Variants in LGR5 observed in about 807,000 individuals in gnomAD.
The protein encoded by LGR5 is leucine-rich repeat-containing G protein-coupled receptor 5.
In LGR5, 54 loss-of-function variants were observed where a neutral mutation model predicts 76.7. The ratio of observed to expected loss-of-function variants is 0.70; its 90% CI spans 0.57 to 0.88. LGR5 has a LOEUF of 0.88. Ranked by LOEUF, LGR5 falls within the 40% of genes least tolerant of loss-of-function variation. The pLI is 0.00. For synonymous variants in LGR5, 406 were observed against 421.9 expected (o/e 0.96, Z 0.46); for missense variants, 1,078 against 1,073.3 (o/e 1.00, Z -0.06).
chr12:71,513,383 G>T (rs1426826944), intron 2 of LGR5, among the ~76,000 whole-genome samples: 1 of 152,202 alleles, frequency 6.6e-6, no homozygotes, highest in South Asian at 2.1e-4. Context: ...TACAGCCATT[G>T]TGTCCCTGCA....
chr12:71,566,843 C>T lies in LGR5; in HGVS notation c.1001C>T (p.Thr334Ile), dbSNP rs1878371849. The change falls in exon 11 of 18, where the codon ACT becomes ATT. Residue 334 changes from threonine to isoleucine, a missense_variant and splice_region_variant. Thr to Ile is a moderately conservative substitution (Grantham distance 89, BLOSUM62 -1). Coordinates refer to ENST00000266674, the MANE Select transcript of LGR5 (RefSeq NM_003667.4). ...LTGTANLESL[T>I]LTGAQISSLP... ...ATGTCTGGTTTGTGTTTTAACAGGA[C>T]TTTAACTGGAGCACAGATCTCATCT... is the stretch of plus-strand genomic sequence containing the variant. The T allele has an allele frequency of 1.9e-6, 3 of 1,613,318 alleles. No individual in the cohort carries two copies. Among genetic ancestry groups the T allele is most frequent in the Non-Finnish European group, 2.5e-6 (3 of 1,179,292 alleles).
chr12:71,452,622 G>A (rs1284815950), intron 1 of LGR5, among the ~76,000 whole-genome samples: 1 of 152,208 alleles, frequency 6.6e-6, no homozygotes, highest in Non-Finnish European at 1.5e-5. Context: ...AATTCAAAAA[G>A]TGCTGTTGAT....
intron 1 of LGR5, among the ~76,000 whole-genome samples, chr12:71,490,564 C>A (rs57448926): frequency 6.6e-6 from 1 of 151,986 alleles, no homozygotes; most frequent in African/African-American, 2.4e-5. Context: ...AAATGTATAA[C>A]GGTATGTTGA....
intron 7 of LGR5, among the ~76,000 whole-genome samples, 183 bp from the exon 8 acceptor site, chr12:71,561,598 A>G (rs144984951): frequency 5.3e-4 from 81 of 152,334 alleles, no homozygotes; most frequent in African/African-American, 1.9e-3. Flanking sequence ...ATGACAGCAC[A>G]TGACTTTTTT....
At chr12:71,526,758 G>T (rs1247214007) in intron 3 of LGR5, among the ~76,000 whole-genome samples, 1 of 152,058 alleles carries the variant, frequency 6.6e-6, no homozygotes, top group Non-Finnish European at 1.5e-5. Flanking sequence ...AGTTGATGTC[G>T]TCCCATCTGG....
intron 3 of LGR5, among the ~76,000 whole-genome samples, chr12:71,533,502 A>G (rs1280452336): frequency 6.6e-6 from 1 of 152,182 alleles, no homozygotes; most frequent in Non-Finnish European, 1.5e-5. Flanking sequence ...CTACTAAACC[A>G]GAAACTTTGG....
At chr12:71,473,902 C>T (rs950320331) in intron 1 of LGR5, among the ~76,000 whole-genome samples, 1 of 152,182 alleles carries the variant, frequency 6.6e-6, no homozygotes, top group South Asian at 2.1e-4. Context: ...AACAACACCT[C>T]GCTTTCCCAG....
At chr12:71,456,057 C>G (rs1335883691) in intron 1 of LGR5, among the ~76,000 whole-genome samples, 1 of 152,094 alleles carries the variant, frequency 6.6e-6, no homozygotes, top group East Asian at 1.9e-4. Flanking sequence ...CATGATGGAA[C>G]ATTGACTATG....
chr12:71,481,470 C>A (rs1432357364), intron 1 of LGR5, among the ~76,000 whole-genome samples: 2 of 152,104 alleles, frequency 1.3e-5, no homozygotes, highest in Non-Finnish European at 2.9e-5. Flanking sequence ...TGTATATATG[C>A]CACATTTTCT....
chr12:71,566,817 T>C (rs747446577), intron 10 of LGR5, 24 bp from the exon 11 acceptor site: 2 of 1,607,166 alleles, frequency 1.2e-6, no homozygotes, highest in Non-Finnish European at 1.7e-6. Context: ...ATGAAAGAAT[T>C]ATGTCTGGTT....
intron 1 of LGR5, among the ~76,000 whole-genome samples, chr12:71,491,455 A>C (rs1290057842): frequency 2.0e-5 from 3 of 152,142 alleles, no homozygotes; most frequent in Non-Finnish European, 4.4e-5. Context: ...CTTAAGTAAT[A>C]GACCTTTTCT....
At chr12:71,555,524 T>C (rs1365408022) in intron 5 of LGR5, among the ~76,000 whole-genome samples, 1 of 152,208 alleles carries the variant, frequency 6.6e-6, no homozygotes, top group African/African-American at 2.4e-5. Flanking sequence ...AAAATCTGAT[T>C]ACCATTGCCT....
rs753068081 is a variant in LGR5, at chr12:71,571,546, C to T, written c.1103C>T (p.Pro368Leu). 1.2e-6 allele frequency: 2 copies of T among 1,612,470 alleles called. No individual in the cohort carries two copies. The highest frequency in any genetic ancestry group is 1.6e-4 in the Middle Eastern group (1 of 6,064). ...TCTTACAACCTATTAGAAGATTTAC[C>T]CAGTTTTTCAGTCTGCCAAAAGCTT... Reference protein sequence around the residue: ...DLSYNLLEDLPSFSVCQKLQK... With the variant: ...DLSYNLLEDLLSFSVCQKLQK... The change falls in exon 12 of 18, where the codon CCC becomes CTC. Residue 368 changes from proline to leucine, a missense_variant. By Grantham distance (98) the Pro-to-Leu change is moderately conservative (BLOSUM62 -3). Transcript: ENST00000266674.
chr12:71,448,573 A>G (rs572515632), intron 1 of LGR5: 8 of 152,360 alleles, frequency 5.3e-5, no homozygotes, highest in South Asian at 2.1e-4. Flanking sequence ...CTCGTGAGGC[A>G]CTTACTTGAA....
intron 11 of LGR5, among the ~76,000 whole-genome samples, chr12:71,568,444 T>G (rs756501061): frequency 6.6e-6 from 1 of 152,224 alleles, no homozygotes; most frequent in African/African-American, 2.4e-5. Flanking sequence ...CCTGGGACAC[T>G]GTAACTCTCA....
In LGR5 at chr12:71,565,474, T is replaced by C. The variant is rs200850729; in HGVS notation, c.858-930T>C. 7.5e-4 allele frequency among the ~76,000 whole-genome samples: 3 copies of C among 4,010 alleles called. No individual in the cohort carries two copies. The East Asian group carries it at 0.38, about 501-fold the overall frequency. 2.6% of individuals were successfully genotyped at this position (4,010 alleles called of 152,430 possible). On this transcript the variant is annotated intron_variant, in intron 8 of 17. Transcript: ENST00000266674. ...ATATATAGACATATATACATATACA[T>C]ATATATATATATATAACACATACAT... is the stretch of plus-strand genomic sequence containing the variant.
chr12:71,482,532 CA>C (rs142722027), intron 1 of LGR5, among the ~76,000 whole-genome samples: 7,381 of 146,574 alleles, frequency 0.05, 225 homozygotes, highest in Middle Eastern at 0.12. Flanking sequence ...ACACTATCTA[CA>C]AAAAAAAAAG....
Position 71,584,974 on chromosome 12 carries a change from G to T in LGR5, c.*240G>T. On this transcript the variant is annotated 3_prime_UTR_variant, in exon 18 of 18. Transcript: ENST00000266674. The stretch of plus-strand genomic sequence containing the variant: ...GATAGATCGATCACACTATTTAAGT[G>T]AGCCCAGATCAAAAAAGCAGATTGA... The T allele has an allele frequency of 2.3e-6, 1 of 443,226 alleles. No individual in the cohort carries two copies. The highest frequency in any genetic ancestry group is 4.0e-6 in the Non-Finnish European group (1 of 252,114). 27.5% of individuals were successfully genotyped at this position (443,226 alleles called of 1,614,324 possible).
At chr12:71,530,874 G>A (rs1458845788) in intron 3 of LGR5, among the ~76,000 whole-genome samples, 1 of 152,014 alleles carries the variant, frequency 6.6e-6, no homozygotes, top group Non-Finnish European at 1.5e-5. Context: ...TATCTACACA[G>A]AGGACAAATA....
Sources: gnomAD v4.1 joint callset for allele counts (sites outside exome capture counted in the v4.1 genomes callset) on GRCh38, gnomAD v4.1.1 for gene constraint, MANE v1.5 for transcripts, NCBI Gene and HGNC (gene_info 2026-07-23, HGNC 2026-07-21) for gene names.